Variants in HEG1 observed in about 807,000 individuals in gnomAD.
HEG1 encodes heart development protein with EGF like domains 1, also known as protein HEG homolog 1.
In HEG1, 56 loss-of-function variants were observed where a neutral mutation model predicts 125.6. The observed-to-expected ratio is 0.45, with a 90% CI of 0.36 to 0.56. HEG1 has a LOEUF of 0.56. HEG1 is among the 20% of genes least tolerant of loss of function. The probability of loss-of-function intolerance (pLI) is 0.00; values close to 1 mark genes in which losing one functional copy is unlikely to be tolerated. For synonymous variants in HEG1, 644 were observed against 668.5 expected, an observed-to-expected ratio of 0.96 and a Z score of 0.57; for missense variants, 1,523 against 1,670.0, an observed-to-expected ratio of 0.91 and a Z score of 1.53.
chr3:124,992,463 T>C (rs1210604436), intron 12 of HEG1, among the ~76,000 whole-genome samples: 5 of 152,236 alleles, frequency 3.3e-5, no homozygotes, highest in African/African-American at 9.6e-5. Context: ...ACAGGGTTAA[T>C]GTACGAGATA....
At chr3:125,039,481 C>A (rs1937574775) in intron 1 of HEG1, among the ~76,000 whole-genome samples, 2 of 152,174 alleles carry the variant, frequency 1.3e-5, no homozygotes, top group African/African-American at 4.8e-5. Context: ...TCAGCCTCAA[C>A]CCCCGCAGCG....
At chr3:124,974,548 G>A (rs1265226175) in intron 15 of HEG1, among the ~76,000 whole-genome samples, 1 of 152,152 alleles carries the variant, frequency 6.6e-6, no homozygotes, top group Non-Finnish European at 1.5e-5. Flanking sequence ...AGAATGGTTT[G>A]TTTATGAAAA....
At chr3:124,975,445 C>T (rs1170260209) in intron 15 of HEG1, among the ~76,000 whole-genome samples, 1 of 152,166 alleles carries the variant, frequency 6.6e-6, no homozygotes, top group Non-Finnish European at 1.5e-5. Context: ...CCAGGAAGCC[C>T]AAAGCATCCC....
At chr3:125,014,776 C>G (rs780404020) in intron 5 of HEG1, 2 of 1,289,464 alleles carry the variant, frequency 1.6e-6, no homozygotes, top group Admixed American at 2.3e-5. Flanking sequence ...GTCACGTTTA[C>G]GTGCAGAGAG....
intron 12 of HEG1, among the ~76,000 whole-genome samples, chr3:124,992,989 C>T (rs931026564): frequency 5.3e-5 from 8 of 152,222 alleles, no homozygotes; most frequent in African/African-American, 1.9e-4. Flanking sequence ...GACTGCTTTG[C>T]TACAATACCA....
chr3:124,996,038 T>C (rs192419781), intron 12 of HEG1, among the ~76,000 whole-genome samples: 1,868 of 152,010 alleles, frequency 0.012, 40 homozygotes, highest in African/African-American at 0.043. Flanking sequence ...CCAACACACA[T>C]GGATGTTAGC....
intron 5 of HEG1, among the ~76,000 whole-genome samples, chr3:125,015,165 G>A (rs555470520): frequency 6.6e-6 from 1 of 152,336 alleles, no homozygotes; most frequent in African/African-American, 2.4e-5. Context: ...TGCAAACATG[G>A]CTCAGTGATT....
intron 12 of HEG1, among the ~76,000 whole-genome samples, chr3:124,992,456 G>A (rs1448324577): frequency 6.6e-6 from 1 of 152,360 alleles, no homozygotes; most frequent in Non-Finnish European, 1.5e-5. Context: ...ATGTGATACA[G>A]GGTTAATGTA....
intron 1 of HEG1, 86 bp downstream of exon 1, chr3:125,055,489 G>T: frequency 1.1e-6 from 1 of 926,304 alleles, no homozygotes; most frequent in Non-Finnish European, 1.4e-6. Context: ...CCGCGCGGAG[G>T]GGCCTACGGC....
chr3:124,973,358 C>T (rs1418295083), intron 16 of HEG1, among the ~76,000 whole-genome samples: 1 of 152,102 alleles, frequency 6.6e-6, no homozygotes, highest in Admixed American at 6.6e-5. Context: ...TTTTAAGTAC[C>T]TAACCACACA....
intron 1 of HEG1, among the ~76,000 whole-genome samples, chr3:125,031,668 CACAT>C (rs1184060890): frequency 5.6e-5 from 8 of 144,020 alleles, no homozygotes; most frequent in Admixed American, 1.5e-4. Flanking sequence ...CACACACACA[CACAT>C]ACATACATAC....
chr3:125,055,541 C>G lies in HEG1; in HGVS notation c.316+34G>C, dbSNP rs1048541950. ...GGCGCGCCCACGCCCCCAGCACAGA[C>G]TGGCCAGGCGCCAGGTTCCCGGCTC... On this transcript the variant is annotated intron_variant, in intron 1 of 16. Coordinates refer to ENST00000311127, the MANE Select transcript of HEG1 (RefSeq NM_020733.2). The G allele has an allele frequency of 1.8e-5, 21 of 1,186,206 alleles. No individual in the cohort carries two copies. The African/African-American group carries it at 3.3e-4, about 19-fold the overall frequency. 73.5% of individuals were successfully genotyped at this position (1,186,206 alleles called of 1,614,324 possible).
At chr3:125,045,580 G>A (rs1459350298) in intron 1 of HEG1, among the ~76,000 whole-genome samples, 3 of 152,210 alleles carry the variant, frequency 2.0e-5, no homozygotes, top group Non-Finnish European at 4.4e-5. Context: ...GGCAATCACA[G>A]ACAGATGACA....
At chr3:124,973,009 T>C (rs534541918) in intron 16 of HEG1, among the ~76,000 whole-genome samples, 2 of 129,456 alleles carry the variant, frequency 1.5e-5, no homozygotes, top group South Asian at 4.9e-4. Context: ...TTGTTGTTTA[T>C]TATTGCTATT....
intron 1 of HEG1, among the ~76,000 whole-genome samples, chr3:125,045,569 T>C (rs1030087434): frequency 2.6e-5 from 4 of 152,176 alleles, no homozygotes; most frequent in Admixed American, 6.5e-5. Context: ...GCGTTAGCCA[T>C]GGCAATCACA....
rs570231778 is a variant in HEG1 at position 124,973,796 on chromosome 3, C to T, written c.3931G>A (p.Ala1311Thr). The change falls in exon 16 of 17, where the codon GCT (alanine) becomes ACT (threonine). Residue 1311 changes from alanine (A) to threonine (T), a missense_variant. Transcript: ENST00000311127. ...CTTCCATTCTCATGCATTTCAATAG[C>T]TTCTCGGCCCCATTCTTGTGAGCGA... is the stretch of plus-strand genomic sequence containing the variant. ...NPRSQEWGRE[A>T]IEMHENGSTK... is the part of the protein sequence containing the mutation. 4.3e-5 allele frequency: 70 copies of T among 1,613,960 alleles called. 1 individual carries two copies. In the South Asian group the frequency reaches 7.1e-4, roughly 16 times the overall value.
Position 125,031,721 on chromosome 3 carries a change from TACAC to T in HEG1, c.317-2237_317-2234del, listed in dbSNP as rs1410414106. 1.3e-4 allele frequency among the ~76,000 whole-genome samples: 20 copies of T among 148,390 alleles called. No homozygotes were observed. The East Asian group carries it at 3.2e-3, about 23-fold the overall frequency. On this transcript the variant is annotated intron_variant, in intron 1 of 16. Coordinates refer to ENST00000311127, the MANE Select transcript of HEG1 (RefSeq NM_020733.2). ...CACATATACCCCCCACACACACACA[TACAC>T]ACACAGGCACACATACACACACATA... is the stretch of plus-strand genomic sequence containing the variant.
At chr3:125,008,926 A>G (rs948854899) in intron 8 of HEG1, among the ~76,000 whole-genome samples, 14 of 152,268 alleles carry the variant, frequency 9.2e-5, no homozygotes, top group Non-Finnish European at 1.6e-4. Flanking sequence ...GAAAGCTCCT[A>G]AAGTTAACAC....
intron 14 of HEG1, among the ~76,000 whole-genome samples, chr3:124,987,611 C>A (rs548618194): frequency 2.2e-5 from 3 of 137,862 alleles, no homozygotes; most frequent in Non-Finnish European, 4.6e-5. Flanking sequence ...CAAGCTCCGC[C>A]CCCCCAGGTT....
Sources: gnomAD v4.1 joint callset for allele counts (sites outside exome capture counted in the v4.1 genomes callset) on GRCh38, gnomAD v4.1.1 for gene constraint, MANE v1.5 for transcripts, NCBI Gene and HGNC (gene_info 2026-07-23, HGNC 2026-07-21) for gene names.